DPY30: variants seen among roughly 807,000 people sequenced by gnomAD.
The protein encoded by DPY30 is protein dpy-30 homolog.
In DPY30, 6 loss-of-function variants were observed where a neutral mutation model predicts 16.2. The observed-to-expected ratio is 0.37, with a 90% CI of 0.20 to 0.73. The LOEUF (loss-of-function observed/expected upper bound fraction) is 0.73. Ranked by LOEUF, DPY30 falls within the 30% of genes least tolerant of loss-of-function variation. The probability of loss-of-function intolerance (pLI) is 0.51; values close to 1 mark genes in which losing one functional copy is unlikely to be tolerated. For synonymous variants in DPY30, 39 were observed against 38.8 expected (o/e 1.00, Z -0.02); for missense variants, 73 against 113.1 (o/e 0.65, Z 1.61).
chr2:32,039,511 C>A lies in DPY30; in HGVS notation c.-36-19G>T. On this transcript the variant is annotated intron_variant, in intron 1 of 4. Coordinates refer to ENST00000342166, the MANE Select transcript of DPY30 (RefSeq NM_001321209.2). ...TACCAGTCTTGGAAAACAAGAAGAG[C>A]CGCGAGTTACCTGGGAGATTTCAAC... is the stretch of plus-strand genomic sequence containing the variant. 1 of 1,612,514 alleles carries A rather than the reference C, an allele frequency of 6.2e-7. No individual in the cohort carries two copies. The highest frequency in any genetic ancestry group is 8.5e-7 in the Non-Finnish European group (1 of 1,179,172).
intron 5 of DPY30, among the ~76,000 whole-genome samples, chr2:32,017,961 A>G (rs1262288755): frequency 6.6e-6 from 1 of 152,222 alleles, no homozygotes; most frequent in Admixed American, 6.5e-5. Context: ...TAGCTAGTCC[A>G]TGTCCACAAT....
downstream of DPY30, among the ~76,000 whole-genome samples, chr2:32,019,948 G>A (rs1420915132): frequency 1.4e-5 from 2 of 146,918 alleles, no homozygotes; most frequent in African/African-American, 5.0e-5. Context: ...ATATGTATAT[G>A]TAAAAACATA....
intron 3 of DPY30, among the ~76,000 whole-genome samples, chr2:32,034,686 CA>C: frequency 6.6e-6 from 1 of 152,152 alleles, no homozygotes; most frequent in Non-Finnish European, 1.5e-5. Flanking sequence ...GTTTGTGTTC[CA>C]GTGACACAGG....
downstream of DPY30, among the ~76,000 whole-genome samples, chr2:32,021,740 C>T (rs1359113443): frequency 2.0e-5 from 3 of 151,002 alleles, no homozygotes; most frequent in Admixed American, 2.0e-4. Context: ...CACCAGGTGA[C>T]AGCTTTAGAG....
intron 3 of DPY30, among the ~76,000 whole-genome samples, chr2:32,038,412 G>A (rs979647187): frequency 2.0e-5 from 2 of 102,128 alleles, no homozygotes; most frequent in Non-Finnish European, 3.9e-5. Context: ...TATTTTGAGG[G>A]GGGGGGGGGC....
At position 32,024,020 on chromosome 2, in the gene DPY30, C is replaced by A; in HGVS notation, c.*164G>T. The A allele has an allele frequency of 6.8e-7, 1 of 1,466,838 alleles. No individual in the cohort carries two copies. Among genetic ancestry groups the A allele is most frequent in the Non-Finnish European group, 9.0e-7 (1 of 1,116,652 alleles). The allele number at this position is 1,466,838 out of a possible 1,614,324, so 90.9% of individuals were successfully genotyped here. A position where few individuals can be genotyped will look rare whatever the true frequency, so the allele number is the denominator to read the frequency against. ...TAGGTATGGTTTATGGTGATTAAAT[C>A]AAAATAAGGGAAATATGTTATCTTC... On this transcript the variant is annotated 3_prime_UTR_variant, in exon 5 of 5. Transcript: ENST00000342166.
chr2:32,013,046 C>T (rs936035950), intron 5 of DPY30: 1 of 152,030 alleles, frequency 6.6e-6, no homozygotes, highest in African/African-American at 2.4e-5. Context: ...GAGTCCTGGC[C>T]CTGTCACTCA....
chr2:32,015,511 T>C (rs534131734), intron 5 of DPY30, among the ~76,000 whole-genome samples: 6 of 152,278 alleles, frequency 3.9e-5, no homozygotes, highest in African/African-American at 1.4e-4. Flanking sequence ...TTTTTCCATA[T>C]TTATTAATAT....
chr2:32,039,752 T>C lies in DPY30; in HGVS notation c.-56A>G, dbSNP rs1675895263. 1 of 535,582 alleles carries C rather than the reference T, an allele frequency of 1.9e-6. No individual in the cohort carries two copies. The highest frequency in any genetic ancestry group is 1.9e-5 in the African/African-American group (1 of 52,622). The allele number at this position is 535,582 out of a possible 1,614,324, so 33.2% of individuals were successfully genotyped here. A position where few individuals can be genotyped will look rare whatever the true frequency, so the allele number is the denominator to read the frequency against. On this transcript the variant is annotated 5_prime_UTR_variant, in exon 1 of 5. Transcript: ENST00000342166. ...GATTACCCGCGCCCAAGCCGTTCGT[T>C]CTTAAGAGCCCTGCACCGCGCCACC...
intron 5 of DPY30, among the ~76,000 whole-genome samples, chr2:32,018,352 G>C (rs140340175): frequency 4.6e-5 from 7 of 152,026 alleles, no homozygotes; most frequent in Non-Finnish European, 7.4e-5. Flanking sequence ...GGACAATACA[G>C]AATTCCATGA....
At chr2:32,019,674 G>A (rs916270802), downstream of DPY30, among the ~76,000 whole-genome samples, 2 of 151,428 alleles carry the variant, frequency 1.3e-5, no homozygotes, top group African/African-American at 4.8e-5. Flanking sequence ...TACAAAATTA[G>A]TTGGGTGTGG....
At chr2:32,018,654 G>C (rs925252181) in intron 5 of DPY30, among the ~76,000 whole-genome samples, 9 of 151,982 alleles carry the variant, frequency 5.9e-5, no homozygotes, top group African/African-American at 1.9e-4. Flanking sequence ...TTGAACCCGG[G>C]AGGTGGAGGT....
chr2:32,034,940 A>G (rs1401281755), intron 3 of DPY30, among the ~76,000 whole-genome samples: 2 of 151,740 alleles, frequency 1.3e-5, no homozygotes, highest in Non-Finnish European at 2.9e-5. Context: ...TGGAGGTTGC[A>G]TTGACCCAAG....
At chr2:32,028,470 A>G (rs1675415150) in intron 4 of DPY30, among the ~76,000 whole-genome samples, 1 of 152,214 alleles carries the variant, frequency 6.6e-6, no homozygotes, top group Admixed American at 6.5e-5. Flanking sequence ...ACTGGGGAAA[A>G]CATGTTAAAG....
downstream of DPY30, among the ~76,000 whole-genome samples, chr2:32,019,855 T>TATAC (rs1553386430): frequency 1.4e-5 from 2 of 139,978 alleles, no homozygotes; most frequent in African/African-American, 2.7e-5. Flanking sequence ...TATATATATA[T>TATAC]ACACACACAT....
downstream of DPY30, chr2:32,011,879 CCT>C (rs1348073569): frequency 6.6e-6 from 1 of 152,102 alleles, no homozygotes; most frequent in Admixed American, 6.6e-5. Context: ...CATAGGAGAC[CCT>C]GTTTCTATGA....
chr2:32,033,846 T>A lies in DPY30; in HGVS notation c.85-4110A>T, dbSNP rs140568185. Among the ~76,000 whole-genome samples, 1,252 of 152,316 alleles carry A rather than the reference T, an allele frequency of 8.2e-3. 18 individuals are homozygous for A. Among genetic ancestry groups the A allele is most frequent in the Non-Finnish European group, 0.012 (842 of 68,034 alleles). ...TCTTGAACTAACCTAAAAATAGATA[T>A]AGCCAAACTAACACAAACAAACAAT... is the stretch of plus-strand genomic sequence containing the variant. On this transcript the variant is annotated intron_variant, in intron 3 of 4. Coordinates refer to ENST00000342166, the MANE Select transcript of DPY30 (RefSeq NM_001321209.2).
At chr2:32,020,720 T>A (rs1461796501), downstream of DPY30, among the ~76,000 whole-genome samples, 1 of 152,114 alleles carries the variant, frequency 6.6e-6, no homozygotes, top group Admixed American at 6.6e-5. Flanking sequence ...TAGGGATAAA[T>A]TTTTTAAACT....
chr2:32,015,657 A>C (rs1675050230), intron 5 of DPY30, among the ~76,000 whole-genome samples: 1 of 151,964 alleles, frequency 6.6e-6, no homozygotes, highest in African/African-American at 2.4e-5. Context: ...AGCCTGGGGC[A>C]ACACAGCAAG....
Sources: gnomAD v4.1 joint callset for allele counts (sites outside exome capture counted in the v4.1 genomes callset) on GRCh38, gnomAD v4.1.1 for gene constraint, MANE v1.5 for transcripts, NCBI Gene and HGNC (gene_info 2026-07-23, HGNC 2026-07-21) for gene names.